The following PCMTD1 variants were observed in gnomAD, a reference collection of about 807,000 sequenced individuals.
PCMTD1 encodes the protein protein-L-isoaspartate O-methyltransferase domain-containing protein 1.
Under a neutral mutation model 37.6 loss-of-function variants are expected in PCMTD1, and 12 were observed. The ratio of observed to expected loss-of-function variants is 0.32; its 90% CI spans 0.20 to 0.52. The LOEUF is 0.52. Among genes scored for constraint, PCMTD1 ranks in the 20% least tolerant of loss-of-function variants. The pLI, the probability that PCMTD1 is intolerant of heterozygous loss-of-function variation, is 0.97. For synonymous variants in PCMTD1, 117 were observed against 135.8 expected, an observed-to-expected ratio of 0.86 and a Z score of 0.96; for missense variants, 235 against 421.3, an observed-to-expected ratio of 0.56 and a Z score of 3.87.
intron 2 of PCMTD1, among the ~76,000 whole-genome samples, chr8:51,855,853 A>G (rs2038380681): frequency 6.6e-6 from 1 of 151,946 alleles, no homozygotes; most frequent in Non-Finnish European, 1.5e-5. Flanking sequence ...TATTATTAGT[A>G]GAGATGGGGT....
At chr8:51,830,219 T>C (rs1430406739) in intron 5 of PCMTD1, among the ~76,000 whole-genome samples, 1 of 152,162 alleles carries the variant, frequency 6.6e-6, no homozygotes, top group African/African-American at 2.4e-5. Flanking sequence ...ATCTCCTCTT[T>C]ATCTCCACTC....
At chr8:51,882,384 G>A (rs1348966221) in intron 1 of PCMTD1, among the ~76,000 whole-genome samples, 3 of 152,200 alleles carry the variant, frequency 2.0e-5, no homozygotes, top group Non-Finnish European at 4.4e-5. Context: ...GGGGTAGGGG[G>A]CGGTCAGGGT....
intron 1 of PCMTD1, among the ~76,000 whole-genome samples, chr8:51,883,023 G>C (rs2038814451): frequency 6.6e-6 from 1 of 150,398 alleles, no homozygotes; most frequent in South Asian, 2.1e-4. Flanking sequence ...TGTAGTCCCA[G>C]CTACTCAGGA....
At chr8:51,899,184 T>TCTGGCCCCGCCCCCCTCAGGG (rs1409285028), upstream of PCMTD1, 213 of 1,263,554 alleles carry the variant, frequency 1.7e-4, no homozygotes, top group Middle Eastern at 1.7e-3. Context: ...GACGCCCCCA[T>TCTGGCCCCGCCCCCCTCAGGG]CTGGCCCCGC....
intron 1 of PCMTD1, among the ~76,000 whole-genome samples, chr8:51,869,843 G>T (rs527324069): frequency 6.6e-6 from 1 of 152,158 alleles, no homozygotes; most frequent in African/African-American, 2.4e-5. Context: ...TCTCTCTGCT[G>T]TGTGTTAGGT....
intron 1 of PCMTD1, among the ~76,000 whole-genome samples, chr8:51,863,427 T>C (rs1308821059): frequency 6.6e-6 from 1 of 152,136 alleles, no homozygotes; most frequent in Non-Finnish European, 1.5e-5. Flanking sequence ...ATGAAATAAA[T>C]AAGAACTACC....
chr8:51,895,283 A>G (rs766946891), intron 1 of PCMTD1, among the ~76,000 whole-genome samples: 1 of 152,232 alleles, frequency 6.6e-6, no homozygotes, highest in South Asian at 2.1e-4. Context: ...AGCATTTCAC[A>G]TTCTACAGCT....
chr8:51,820,285 C>T lies in PCMTD1; in HGVS notation c.*66G>A. ...AAAGAAATAATTCTCTCTTTTAACT[C>T]CTAACAAATGCTACATTTTCAAGAC... On this transcript the variant is annotated 3_prime_UTR_variant, in exon 6 of 6. Coordinates refer to ENST00000522514, the MANE Select transcript of PCMTD1 (RefSeq NM_052937.4). The T allele has an allele frequency of 1.4e-6, 2 of 1,394,314 alleles. No homozygotes were observed. Among genetic ancestry groups the T allele is most frequent in the South Asian group, 1.6e-5 (1 of 62,692 alleles). The allele number at this position is 1,394,314 out of a possible 1,614,324, so 86.4% of individuals were successfully genotyped here. A position where few individuals can be genotyped will look rare whatever the true frequency, so the allele number is the denominator to read the frequency against.
At chr8:51,888,934 G>C (rs1323070387) in intron 1 of PCMTD1, among the ~76,000 whole-genome samples, 1 of 152,026 alleles carries the variant, frequency 6.6e-6, no homozygotes, top group Non-Finnish European at 1.5e-5. Flanking sequence ...CCACCATCTG[G>C]AACTGCTTTG....
intron 1 of PCMTD1, among the ~76,000 whole-genome samples, chr8:51,861,475 AAG>A (rs2038468341): frequency 6.6e-6 from 1 of 152,178 alleles, no homozygotes; most frequent in African/African-American, 2.4e-5. Flanking sequence ...CTGGAACACA[AAG>A]AAGTCAAGTA....
chr8:51,825,995 C>G (rs1330761265), intron 5 of PCMTD1, among the ~76,000 whole-genome samples: 1 of 152,022 alleles, frequency 6.6e-6, no homozygotes, highest in African/African-American at 2.4e-5. Flanking sequence ...AACATTTGAC[C>G]CAGCAATCCC....
intron 2 of PCMTD1, among the ~76,000 whole-genome samples, chr8:51,847,978 G>A (rs190613339): frequency 6.6e-6 from 1 of 152,132 alleles, no homozygotes; most frequent in African/African-American, 2.4e-5. Context: ...CTACTCGAGA[G>A]GCTGAGGCAG....
chr8:51,835,566 T>C (rs1037692436), intron 3 of PCMTD1, among the ~76,000 whole-genome samples: 1 of 152,216 alleles, frequency 6.6e-6, no homozygotes, highest in Non-Finnish European at 1.5e-5. Flanking sequence ...ACTATTTCAG[T>C]ATGGTCTATC....
At chr8:51,887,483 G>C (rs2038880179) in intron 1 of PCMTD1, among the ~76,000 whole-genome samples, 1 of 151,942 alleles carries the variant, frequency 6.6e-6, no homozygotes, top group African/African-American at 2.4e-5. Flanking sequence ...TCTCTTACAG[G>C]TAAATAACGC....
upstream of PCMTD1, chr8:51,899,076 G>C (rs535779054): frequency 1.3e-6 from 2 of 1,498,954 alleles, no homozygotes; most frequent in African/African-American, 2.9e-5. Flanking sequence ...AGCAGCCAGA[G>C]CCTCCCGGAC....
In PCMTD1 at chr8:51,826,916, G is replaced by A. The variant is rs2037929120; in HGVS notation, c.706+4528C>T. The A allele has an allele frequency of 3.4e-6, 3 of 881,272 alleles. No individual in the cohort carries two copies. In the African/African-American group the frequency reaches 5.4e-5, roughly 16 times the overall value. The allele number at this position is 881,272 out of a possible 1,614,324, so 54.6% of individuals were successfully genotyped here. ...AATAAAATTAGTGGTGAATCAAGATGAAAAATTATGACTCCACTTTAGTAA... is the reference window on the plus strand; with the variant it reads ...AATAAAATTAGTGGTGAATCAAGATAAAAAATTATGACTCCACTTTAGTAA... On this transcript the variant is annotated intron_variant, in intron 5 of 5. Coordinates refer to ENST00000522514, the MANE Select transcript of PCMTD1 (RefSeq NM_052937.4).
At chr8:51,881,244 TGC>T (rs1438300097) in intron 1 of PCMTD1, among the ~76,000 whole-genome samples, 4 of 70,392 alleles carry the variant, frequency 5.7e-5, no homozygotes, top group African/African-American at 7.7e-5. Flanking sequence ...AGAAATCCAG[TGC>T]CTGTGTTGGT....
chr8:51,849,273 CAAAT>C (rs1359759470), intron 2 of PCMTD1: 3 of 151,644 alleles, frequency 2.0e-5, no homozygotes, highest in African/African-American at 7.3e-5. Flanking sequence ...CATAAATGTT[CAAAT>C]AAATAAACAA....
At chr8:51,823,324 C>T (rs2037875332) in intron 5 of PCMTD1, among the ~76,000 whole-genome samples, 2 of 152,128 alleles carry the variant, frequency 1.3e-5, no homozygotes, top group Admixed American at 1.3e-4. Flanking sequence ...ATTAGCCGGG[C>T]ATGGTGGTAC....
Sources: allele counts gnomAD v4.1 joint callset (sites outside exome capture counted in the v4.1 genomes callset), GRCh38; gene constraint gnomAD v4.1.1; transcripts MANE v1.5; gene names NCBI Gene and HGNC (gene_info 2026-07-23, HGNC 2026-07-21).